The following PCDHA3 variants were observed in gnomAD, a reference collection of about 807,000 sequenced individuals.
PCDHA3 encodes the protein protocadherin alpha 3.
In PCDHA3, 41 loss-of-function variants were observed where a neutral mutation model predicts 62.2. The ratio of observed to expected loss-of-function variants is 0.66; its 90% CI spans 0.51 to 0.86. The LOEUF (loss-of-function observed/expected upper bound fraction) is 0.86, where lower values mean the gene tolerates loss of function less well. Ranked by LOEUF, PCDHA3 falls within the 40% of genes least tolerant of loss-of-function variation. The probability of loss-of-function intolerance (pLI) is 0.00; values close to 1 mark genes in which losing one functional copy is unlikely to be tolerated. For missense variants in PCDHA3, 1,304 were observed against 1,241.2 expected, an observed-to-expected ratio of 1.05 and a Z score of -0.76; for synonymous variants, 640 against 555.4, an observed-to-expected ratio of 1.15 and a Z score of -2.14.
intron 1 of PCDHA3, chr5:140,871,116 C>G (rs200344692): frequency 6.2e-7 from 1 of 1,613,264 alleles, no homozygotes; most frequent in East Asian, 2.2e-5. Flanking sequence ...TGGTGGAGAG[C>G]GGACAGGCGC....
At chr5:140,854,786 T>C (rs1450624058) in intron 1 of PCDHA3, 1 of 149,564 alleles carries the variant, frequency 6.7e-6, no homozygotes, top group Admixed American at 6.7e-5. Context: ...TTCAAGAACT[T>C]TGAGAGAGAA....
At chr5:140,834,771 C>T (rs2150226115) in intron 1 of PCDHA3, 18 of 1,613,874 alleles carry the variant, frequency 1.1e-5, no homozygotes, top group Middle Eastern at 3.3e-4. Flanking sequence ...TAACGACAAC[C>T]CTCCGGTGTT....
At chr5:141,001,279 G>A (rs1317213469) in intron 3 of PCDHA3, among the ~76,000 whole-genome samples, 1 of 151,942 alleles carries the variant, frequency 6.6e-6, no homozygotes, top group African/African-American at 2.4e-5. Context: ...CTTTTTTTAC[G>A]GATGAAAACT....
intron 3 of PCDHA3, among the ~76,000 whole-genome samples, chr5:140,985,001 G>A (rs1554246727): frequency 1.3e-5 from 2 of 151,944 alleles, no homozygotes; most frequent in South Asian, 2.1e-4. Flanking sequence ...CCAGTGGCAC[G>A]ATATCGGCTC....
intron 1 of PCDHA3, among the ~76,000 whole-genome samples, chr5:140,931,665 T>C (rs2087667345): frequency 6.6e-6 from 1 of 151,998 alleles, no homozygotes. Flanking sequence ...GGCTGGATAT[T>C]TCCTTATAAA....
Position 140,850,293 on chromosome 5 carries a change from G to T in PCDHA3, c.2394+46702G>T. On this transcript the variant is annotated intron_variant, in intron 1 of 3. Coordinates refer to ENST00000522353, the MANE Select transcript of PCDHA3 (RefSeq NM_018906.3). ...GGGGAAGGTGCGCGCAGTGGACGCC[G>T]ACTCGGGCTACAACGCGTGGCTTTC... 6.3e-6 allele frequency: 10 copies of T among 1,596,280 alleles called. 2 individuals are homozygous for T. The highest frequency in any genetic ancestry group is 8.6e-6 in the Non-Finnish European group (10 of 1,167,618).
At chr5:140,981,077 G>C (rs1178580802) in intron 2 of PCDHA3, among the ~76,000 whole-genome samples, 1 of 152,168 alleles carries the variant, frequency 6.6e-6, no homozygotes, top group Non-Finnish European at 1.5e-5. Flanking sequence ...GGGAAGAATA[G>C]TAAAAGGTCA....
chr5:140,967,074 A>C (rs1554229140), intron 1 of PCDHA3: 1 of 1,613,138 alleles, frequency 6.2e-7, no homozygotes. Flanking sequence ...TTCGTCAACG[A>C]GCGCATTGAT....
At chr5:140,854,866 A>G (rs1479587477) in intron 1 of PCDHA3, among the ~76,000 whole-genome samples, 3 of 149,974 alleles carry the variant, frequency 2.0e-5, no homozygotes, top group Non-Finnish European at 4.5e-5. Context: ...GATATATTTC[A>G]GAACTGTGTC....
intron 1 of PCDHA3, chr5:140,821,815 C>T (rs2150110847): frequency 5.4e-5 from 87 of 1,613,842 alleles, no homozygotes; most frequent in Non-Finnish European, 6.0e-5. Flanking sequence ...ATCCCGGCTC[C>T]TGCTGCTCTG....
intron 1 of PCDHA3, chr5:140,841,904 G>A (rs2150325203): frequency 1.9e-6 from 3 of 1,613,860 alleles, no homozygotes; most frequent in Non-Finnish European, 2.5e-6. Flanking sequence ...GGTTGAGCTC[G>A]TATTAAGAAA....
intron 1 of PCDHA3, chr5:140,929,108 C>T (rs1255119645): frequency 6.2e-7 from 1 of 1,614,080 alleles, no homozygotes; most frequent in African/African-American, 1.3e-5. Flanking sequence ...TGCATGACAT[C>T]AGCCACCATA....
intron 1 of PCDHA3, chr5:140,870,971 T>TG (rs782370379): frequency 3.7e-6 from 6 of 1,613,594 alleles, no homozygotes; most frequent in Non-Finnish European, 5.1e-6. Context: ...CCGTTCCGCG[T>TG]GGGGCTGTAC....
At chr5:140,829,655 C>T (rs1581885060) in intron 1 of PCDHA3, 2 of 1,612,510 alleles carry the variant, frequency 1.2e-6, no homozygotes, top group Non-Finnish European at 8.5e-7. Flanking sequence ...CGCGCTGCAG[C>T]CGCTGGACCA....
intron 1 of PCDHA3, among the ~76,000 whole-genome samples, chr5:140,889,697 A>G (rs920897018): frequency 4.6e-5 from 7 of 152,294 alleles, no homozygotes; most frequent in Middle Eastern, 3.4e-3. Flanking sequence ...TATTATGGGC[A>G]TATTCCACAA....
chr5:140,847,401 A>G (rs1780996739), intron 1 of PCDHA3: 1 of 149,750 alleles, frequency 6.7e-6, no homozygotes. Context: ...TAATGGCACA[A>G]TAAACACTCA....
At chr5:141,004,935 A>AATTTCTT (rs2098189293) in intron 3 of PCDHA3, among the ~76,000 whole-genome samples, 1 of 152,112 alleles carries the variant, frequency 6.6e-6, no homozygotes, top group African/African-American at 2.4e-5. Context: ...GAGAGAAGAA[A>AATTTCTT]ATTTCTTACC....
chr5:140,803,649 T>C (rs539044663), intron 1 of PCDHA3, 58 bp downstream of exon 1: 2 of 1,612,388 alleles, frequency 1.2e-6, no homozygotes, highest in South Asian at 2.2e-5. Context: ...CCTCAATGTT[T>C]CCACTCCTCT....
intron 1 of PCDHA3, chr5:140,824,156 T>C (rs200693729): frequency 6.2e-7 from 1 of 1,611,610 alleles, no homozygotes; most frequent in Non-Finnish European, 8.5e-7. Flanking sequence ...ACATCCATCT[T>C]TCCCTCCCAA....
Sources: allele counts gnomAD v4.1 joint callset (sites outside exome capture counted in the v4.1 genomes callset), GRCh38; gene constraint gnomAD v4.1.1; transcripts MANE v1.5; gene names NCBI Gene and HGNC (gene_info 2026-07-23, HGNC 2026-07-21).